MYO18B: variants seen among roughly 807,000 people sequenced by gnomAD.
The protein encoded by MYO18B is unconventional myosin-XVIIIb.
In MYO18B, 204 loss-of-function variants were observed where a neutral mutation model predicts 273.0. The ratio of observed to expected loss-of-function variants is 0.75; its 90% CI spans 0.67 to 0.84. MYO18B has a LOEUF of 0.84. Ranked by LOEUF, MYO18B falls within the 40% of genes least tolerant of loss-of-function variation. MYO18B has a pLI of 0.00. For synonymous variants in MYO18B, 1,330 were observed against 1,305.7 expected (o/e 1.02, Z -0.40); for missense variants, 3,212 against 3,287.6 (o/e 0.98, Z 0.56).
intron 21 of MYO18B, among the ~76,000 whole-genome samples, chr22:25,857,958 G>T: frequency 6.6e-6 from 1 of 152,118 alleles, no homozygotes; most frequent in African/African-American, 2.4e-5. Flanking sequence ...CTGTGAGCTG[G>T]GTCTATTGTT....
At chr22:25,978,295 GAGTAGA>G (rs2093114944) in intron 39 of MYO18B, among the ~76,000 whole-genome samples, 1 of 152,214 alleles carries the variant, frequency 6.6e-6, no homozygotes, top group African/African-American at 2.4e-5. Flanking sequence ...CTTGATGGAT[GAGTAGA>G]AGTTCACTTG....
At chr22:25,880,011 G>A (rs189607067) in intron 25 of MYO18B, among the ~76,000 whole-genome samples, 44 of 152,188 alleles carry the variant, frequency 2.9e-4, no homozygotes, top group African/African-American at 1.0e-3. Flanking sequence ...CCAACACTAG[G>A]GATTACAATT....
At chr22:25,857,758 A>C (rs2090616410) in intron 21 of MYO18B, among the ~76,000 whole-genome samples, 1 of 152,110 alleles carries the variant, frequency 6.6e-6, no homozygotes, top group African/African-American at 2.4e-5. Flanking sequence ...GGTTCAAGTG[A>C]TTCTCCTGCC....
the MYO18B span, among the ~76,000 whole-genome samples, chr22:26,048,703 A>C: frequency 1.3e-4 from 20 of 152,334 alleles, no homozygotes; most frequent in South Asian, 2.5e-3. Context: ...ATTATTAAAA[A>C]AAAACAAAAC....
intron 39 of MYO18B, among the ~76,000 whole-genome samples, chr22:25,982,375 A>G (rs984888000): frequency 2.0e-5 from 3 of 152,132 alleles, no homozygotes; most frequent in African/African-American, 7.2e-5. Context: ...CAGACAACCA[A>G]AGCCCTGGCT....
intron 33 of MYO18B, among the ~76,000 whole-genome samples, chr22:25,918,626 C>T (rs2092296630): frequency 6.6e-6 from 1 of 152,176 alleles, no homozygotes. Flanking sequence ...TTAGTGCCAG[C>T]ATTTTCAGGG....
At chr22:25,957,458 T>G (rs1200760642) in intron 39 of MYO18B, among the ~76,000 whole-genome samples, 1 of 152,254 alleles carries the variant, frequency 6.6e-6, no homozygotes, top group Non-Finnish European at 1.5e-5. Flanking sequence ...CTGTCTCCAA[T>G]TTCTGATGGC....
At chr22:25,959,499 C>T (rs1244317403) in intron 39 of MYO18B, among the ~76,000 whole-genome samples, 1 of 152,084 alleles carries the variant, frequency 6.6e-6, no homozygotes, top group Non-Finnish European at 1.5e-5. Context: ...TGGTCTTGGA[C>T]TGCTGGCCTC....
chr22:26,034,945 A>G (rs1183530707), downstream of MYO18B, among the ~76,000 whole-genome samples: 1 of 152,204 alleles, frequency 6.6e-6, no homozygotes, highest in African/African-American at 2.4e-5. Flanking sequence ...TAAGAATGGG[A>G]TAGGCAAAGG....
chr22:25,961,860 G>C (rs1442499920), intron 39 of MYO18B, among the ~76,000 whole-genome samples: 2 of 152,200 alleles, frequency 1.3e-5, no homozygotes, highest in African/African-American at 4.8e-5. Context: ...AGTTCTCACT[G>C]TGTTAGTTCT....
intron 16 of MYO18B, among the ~76,000 whole-genome samples, chr22:25,834,257 G>A (rs753759364): frequency 8.6e-5 from 13 of 151,140 alleles, no homozygotes; most frequent in Non-Finnish European, 1.2e-4. Context: ...AGCGATTCTC[G>A]TGCCTCAGCC....
At chr22:25,810,340 C>T (rs182977755) in intron 12 of MYO18B, among the ~76,000 whole-genome samples, 10 of 150,928 alleles carry the variant, frequency 6.6e-5, no homozygotes, top group African/African-American at 1.7e-4. Context: ...CCTCGTGATC[C>T]GCCTGCCTCA....
In MYO18B at chr22:25,891,475, CA is replaced by C; in HGVS notation, c.4543+64del. The C allele has an allele frequency of 2.6e-6, 3 of 1,150,418 alleles. No individual in the cohort carries two copies. In the South Asian group the frequency reaches 4.0e-5, roughly 16 times the overall value. The allele number at this position is 1,150,418 out of a possible 1,614,324, so 71.3% of individuals were successfully genotyped here. ...GACAAAGTTGTCTTTCCCATTTATT[CA>C]GTCACTCATAGAGCACTTTTTAGGT... is the stretch of plus-strand genomic sequence containing the variant. On this transcript the variant is annotated intron_variant, in intron 27 of 43. Coordinates refer to ENST00000335473, the MANE Select transcript of MYO18B (RefSeq NM_032608.7).
intron 34 of MYO18B, among the ~76,000 whole-genome samples, chr22:25,931,285 T>C (rs943383984): frequency 6.6e-6 from 1 of 152,188 alleles, no homozygotes; most frequent in Admixed American, 6.5e-5. Flanking sequence ...AATGCTATGA[T>C]GAATGAAGTG....
chr22:25,858,872 TAA>T (rs2090649862), intron 21 of MYO18B, among the ~76,000 whole-genome samples: 2 of 152,222 alleles, frequency 1.3e-5, no homozygotes, highest in Non-Finnish European at 2.9e-5. Context: ...TGGGATAGCT[TAA>T]CAGGTTAAGG....
At chr22:25,840,519 G>A (rs940104100) in intron 17 of MYO18B, among the ~76,000 whole-genome samples, 2 of 152,272 alleles carry the variant, frequency 1.3e-5, no homozygotes, top group South Asian at 4.1e-4. Context: ...TTTCCCCTTG[G>A]GGAAGGCCAG....
chr22:25,848,274 G>C (rs2090319460), intron 20 of MYO18B, among the ~76,000 whole-genome samples: 2 of 152,098 alleles, frequency 1.3e-5, no homozygotes, highest in Admixed American at 1.3e-4. Context: ...TAGCACCCAG[G>C]GATACGGGAG....
chr22:25,787,282 A>ACGCG (rs2087440808), intron 11 of MYO18B, among the ~76,000 whole-genome samples: 1 of 20,872 alleles, frequency 4.8e-5, no homozygotes, highest in African/African-American at 1.5e-4. Flanking sequence ...GCACACACAC[A>ACGCG]CACACACACA....
the MYO18B span, among the ~76,000 whole-genome samples, chr22:26,048,806 C>T: frequency 1.7e-3 from 260 of 152,174 alleles, no homozygotes; most frequent in Middle Eastern, 0.034. Context: ...GGGTAAACAC[C>T]CAGTGATGAG....
Sources: allele counts gnomAD v4.1 joint callset (sites outside exome capture counted in the v4.1 genomes callset), GRCh38; gene constraint gnomAD v4.1.1; transcripts MANE v1.5; gene names NCBI Gene and HGNC (gene_info 2026-07-23, HGNC 2026-07-21).